The following RBMS3 variants were observed in gnomAD, a reference collection of about 807,000 sequenced individuals.
The protein encoded by RBMS3 is RNA binding motif single stranded interacting protein 3.
RBMS3 carries 27 observed loss-of-function variants against 66.8 expected under a neutral mutation model. The ratio of observed to expected loss-of-function variants is 0.40; its 90% CI spans 0.30 to 0.56. The LOEUF (loss-of-function observed/expected upper bound fraction) is 0.56, where lower values mean the gene tolerates loss of function less well. Ranked by LOEUF, RBMS3 falls within the 20% of genes least tolerant of loss-of-function variation. The pLI is 0.40. For missense variants in RBMS3, 513 were observed against 549.5 expected, an observed-to-expected ratio of 0.93 and a Z score of 0.66; for synonymous variants, 188 against 183.0, an observed-to-expected ratio of 1.03 and a Z score of -0.22.
chr3:29,881,859 T>C (rs949125916), intron 7 of RBMS3, among the ~76,000 whole-genome samples: 1 of 152,096 alleles, frequency 6.6e-6, no homozygotes, highest in Non-Finnish European at 1.5e-5. Context: ...ATTGGTCTCT[T>C]TGAGCACCGT....
intron 14 of RBMS3, among the ~76,000 whole-genome samples, chr3:29,995,653 T>C (rs1420860237): frequency 1.3e-5 from 2 of 152,036 alleles, no homozygotes; most frequent in Admixed American, 1.3e-4. Context: ...CAGAATTTCA[T>C]ATCCAGCCAA....
chr3:29,696,738 C>T (rs1361289014), intron 4 of RBMS3, among the ~76,000 whole-genome samples: 1 of 152,176 alleles, frequency 6.6e-6, no homozygotes, highest in African/African-American at 2.4e-5. Flanking sequence ...AGAAACAACA[C>T]TGATAGATGG....
intron 1 of RBMS3, among the ~76,000 whole-genome samples, chr3:29,293,423 A>C (rs2032983737): frequency 6.6e-6 from 1 of 151,788 alleles, no homozygotes; most frequent in Non-Finnish European, 1.5e-5. Flanking sequence ...TGAGGACCCA[A>C]GGAGCAGGTC....
intron 6 of RBMS3, among the ~76,000 whole-genome samples, chr3:29,834,150 A>C (rs1244794682): frequency 6.6e-6 from 1 of 152,076 alleles, no homozygotes. Flanking sequence ...TAAATAAATA[A>C]AAGTTGAGGA....
chr3:29,452,246 A>T (rs1430502127), intron 2 of RBMS3, among the ~76,000 whole-genome samples: 2 of 152,078 alleles, frequency 1.3e-5, no homozygotes, highest in Non-Finnish European at 2.9e-5. Flanking sequence ...TGTACCTCCT[A>T]TTTTCAACAA....
intron 1 of RBMS3, among the ~76,000 whole-genome samples, chr3:29,374,895 T>A (rs2038387866): frequency 6.6e-6 from 1 of 152,210 alleles, no homozygotes; most frequent in Admixed American, 6.5e-5. Context: ...AACTATATAA[T>A]GAGGTGCTAC....
chr3:29,408,021 C>T (rs55637153), intron 1 of RBMS3, among the ~76,000 whole-genome samples: 21,940 of 151,750 alleles, frequency 0.14, 1,891 homozygotes, highest in East Asian at 0.33. Context: ...GCCTGTAATC[C>T]CAGCACTTTG....
At chr3:29,668,578 G>T (rs1432276929) in intron 4 of RBMS3, among the ~76,000 whole-genome samples, 1 of 152,138 alleles carries the variant, frequency 6.6e-6, no homozygotes, top group African/African-American at 2.4e-5. Context: ...CCCATTATCA[G>T]AAGTAACCAG....
chr3:29,386,595 C>T (rs1177522657), intron 1 of RBMS3, among the ~76,000 whole-genome samples: 1 of 152,182 alleles, frequency 6.6e-6, no homozygotes, highest in Non-Finnish European at 1.5e-5. Flanking sequence ...TTGTTGCTCT[C>T]CTGAAACATC....
At chr3:29,361,047 A>C (rs113419485) in intron 1 of RBMS3, among the ~76,000 whole-genome samples, 1 of 151,952 alleles carries the variant, frequency 6.6e-6, no homozygotes, top group Admixed American at 6.5e-5. Context: ...GCCCATTTCC[A>C]TTTAAGGTTA....
At chr3:29,901,590 C>T (rs1282065974) in intron 10 of RBMS3, among the ~76,000 whole-genome samples, 1 of 151,652 alleles carries the variant, frequency 6.6e-6, no homozygotes, top group Non-Finnish European at 1.5e-5. Flanking sequence ...ACAGCTTCAG[C>T]CTCGTGTTCG....
intron 3 of RBMS3, among the ~76,000 whole-genome samples, chr3:29,518,932 C>A (rs887428674): frequency 2.0e-5 from 3 of 152,084 alleles, no homozygotes; most frequent in Non-Finnish European, 2.9e-5. Flanking sequence ...AAATGGGAAG[C>A]AAGTGATTGA....
intron 4 of RBMS3, among the ~76,000 whole-genome samples, chr3:29,607,284 G>A (rs1440845903): frequency 6.6e-6 from 1 of 151,868 alleles, no homozygotes; most frequent in Non-Finnish European, 1.5e-5. Flanking sequence ...CATAGACTAG[G>A]TAGCTTATAA....
chr3:29,392,373 AC>A, intron 1 of RBMS3, among the ~76,000 whole-genome samples: 1 of 152,220 alleles, frequency 6.6e-6, no homozygotes, highest in African/African-American at 2.4e-5. Flanking sequence ...TTTTTTGGTT[AC>A]TTGTTTATTC....
At chr3:29,772,080 G>C (rs2056230841) in intron 6 of RBMS3, among the ~76,000 whole-genome samples, 1 of 151,998 alleles carries the variant, frequency 6.6e-6, no homozygotes, top group African/African-American at 2.4e-5. Flanking sequence ...GAGGAGGTCA[G>C]AGTGATGCAG....
intron 12 of RBMS3, among the ~76,000 whole-genome samples, chr3:29,964,325 A>G (rs1224912556): frequency 1.3e-5 from 2 of 152,222 alleles, no homozygotes. Flanking sequence ...AGAGGACTCC[A>G]ACGTTTATTA....
chr3:29,475,422 G>A (rs1446630570), intron 2 of RBMS3, among the ~76,000 whole-genome samples: 1 of 151,892 alleles, frequency 6.6e-6, no homozygotes, highest in Non-Finnish European at 1.5e-5. Context: ...CTAATTTTTT[G>A]TAGTTTTCGT....
At chr3:29,911,311 T>A (rs1453998537) in intron 10 of RBMS3, among the ~76,000 whole-genome samples, 3 of 152,012 alleles carry the variant, frequency 2.0e-5, no homozygotes, top group East Asian at 3.9e-4. Flanking sequence ...AAGCAAGGTA[T>A]TTTTACAGGC....
chr3:30,009,843 A>G lies in RBMS3; in HGVS notation c.*5981A>G, dbSNP rs1415396284. The G allele has an allele frequency of 6.6e-6, 1 of 152,158 alleles. No individual in the cohort carries two copies. The allele number at this position is 152,158 out of a possible 1,614,324, so 9.4% of individuals were successfully genotyped here. On this transcript the variant is annotated 3_prime_UTR_variant, in exon 15 of 15. Transcript: ENST00000383767. The stretch of plus-strand genomic sequence containing the variant: ...AACCCTCTGGTCTAAGATTATTGAG[A>G]AAGATGTTTTTTCCTCCTCCCTCAA...
Sources: allele counts gnomAD v4.1 joint callset (sites outside exome capture counted in the v4.1 genomes callset), GRCh38; gene constraint gnomAD v4.1.1; transcripts MANE v1.5; gene names NCBI Gene and HGNC (gene_info 2026-07-23, HGNC 2026-07-21).